The following FSIP2 variants were observed in gnomAD, a reference collection of about 807,000 sequenced individuals.
The protein encoded by FSIP2 is fibrous sheath interacting protein 2.
In FSIP2, 367 loss-of-function variants were observed where a neutral mutation model predicts 510.5. That is an observed-to-expected ratio of 0.72 (90% CI 0.66 to 0.78). The LOEUF (loss-of-function observed/expected upper bound fraction) is 0.78. FSIP2 is among the 30% of genes least tolerant of loss of function. FSIP2 has a pLI of 0.00. For synonymous variants in FSIP2, 2,601 were observed against 2,732.2 expected (o/e 0.95, Z 1.50); for missense variants, 7,594 against 7,901.7 (o/e 0.96, Z 1.48).
In FSIP2 at chr2:185,795,999, A is replaced by G. The variant is rs758915253; in HGVS notation, c.8863A>G (p.Lys2955Glu). The G allele has an allele frequency of 6.5e-7, 1 of 1,534,066 alleles. No homozygotes were observed. The highest frequency in any genetic ancestry group is 8.7e-7 in the Non-Finnish European group (1 of 1,145,842). ...AAACAGTAAAGAACACATTACTGCTAAAAGTAAATATGGTTTTCCAAACAA... is the reference window on the plus strand; with the variant it reads ...AAACAGTAAAGAACACATTACTGCTGAAAGTAAATATGGTTTTCCAAACAA... ...LSNSKEHITA[K>E]SKYGFPNKHS... Residue 2955 changes from lysine (K) to glutamate (E), a missense_variant, in exon 16 of 23, where the codon AAA becomes GAA. Physicochemically the swap from Lys to Glu is moderately conservative, Grantham distance 56 (BLOSUM62 1). Transcript: ENST00000424728.
chr2:185,828,166 G>T lies in FSIP2; in HGVS notation c.20484G>T (p.Gln6828His), dbSNP rs200216619. The T allele has an allele frequency of 4.8e-5, 75 of 1,577,352 alleles. No homozygotes were observed. Among genetic ancestry groups the T allele is most frequent in the Non-Finnish European group, 5.7e-5 (65 of 1,149,796 alleles). Residue 6828 changes from glutamine to histidine, a missense_variant, in exon 21 of 23, where the codon CAG (glutamine) becomes CAT (histidine). Transcript: ENST00000424728. Reference sequence around the variant, plus strand: ...TTTTAATCTCTACAGAAAGTTCTCAGGAACAAAAGCCAGAGCATGGAAACA... The same window carrying T: ...TTTTAATCTCTACAGAAAGTTCTCATGAACAAAAGCCAGAGCATGGAAACA... ...PSAKILEESS[Q>H]EQKPEHGNSV...
intron 19 of FSIP2, among the ~76,000 whole-genome samples, chr2:185,820,190 A>AT (rs1693888567): frequency 6.6e-6 from 1 of 151,948 alleles, no homozygotes; most frequent in Non-Finnish European, 1.5e-5. Flanking sequence ...TGCTTTTCTC[A>AT]TGATAGTGAG....
intron 9 of FSIP2, among the ~76,000 whole-genome samples, chr2:185,758,804 T>G (rs568130214): frequency 6.6e-6 from 1 of 151,312 alleles, no homozygotes; most frequent in Non-Finnish European, 1.5e-5. Context: ...AACATTCTCT[T>G]CCATTCTATT....
intron 19 of FSIP2, among the ~76,000 whole-genome samples, chr2:185,823,921 G>A (rs1246769996): frequency 6.6e-6 from 1 of 151,730 alleles, no homozygotes; most frequent in Non-Finnish European, 1.5e-5. Context: ...AGGATATTAT[G>A]ACACATACTA....
In FSIP2 at chr2:185,801,095, T is replaced by C; in HGVS notation, c.11789T>C (p.Phe3930Ser). ...GTTAGCTCCAAAATACAAGCACCATTTAACAAGCATTGTGCAGTAAAATCC... is the reference window on the plus strand; with the variant it reads ...GTTAGCTCCAAAATACAAGCACCATCTAACAAGCATTGTGCAGTAAAATCC... ...SVVSSKIQAP[F>S]NKHCAVKSSS... The change falls in exon 17 of 23, where the codon TTT (phenylalanine) becomes TCT (serine). Residue 3930 changes from phenylalanine to serine, a missense_variant. Phe to Ser is a radical substitution (Grantham distance 155). Coordinates refer to ENST00000424728, the MANE Select transcript of FSIP2 (RefSeq NM_173651.4). 2 of 1,532,294 alleles carry C rather than the reference T, an allele frequency of 1.3e-6. No homozygotes were observed. The highest frequency in any genetic ancestry group is 1.7e-6 in the Non-Finnish European group (2 of 1,144,894). The allele number at this position is 1,532,294 out of a possible 1,614,324, so 94.9% of individuals were successfully genotyped here.
intron 12 of FSIP2, 144 bp from the exon 13 acceptor site, chr2:185,764,358 C>T (rs1360428544): frequency 1.2e-5 from 6 of 521,222 alleles, no homozygotes; most frequent in Admixed American, 3.6e-5. Context: ...ATAATAAAAA[C>T]GTGCATTTCT....
chr2:185,790,777 C>T lies in FSIP2; in HGVS notation c.3641C>T (p.Ala1214Val). 1 of 1,531,808 alleles carries T rather than the reference C, an allele frequency of 6.5e-7. No homozygotes were observed. The highest frequency in any genetic ancestry group is 8.7e-7 in the Non-Finnish European group (1 of 1,144,260). The allele number at this position is 1,531,808 out of a possible 1,614,324, so 94.9% of individuals were successfully genotyped here. Residue 1214 changes from alanine (A) to valine (V), a missense_variant, in exon 16 of 23, where the codon GCA becomes GTA. Ala to Val is a moderately conservative substitution (Grantham distance 64). Coordinates refer to ENST00000424728, the MANE Select transcript of FSIP2 (RefSeq NM_173651.4). ...GACACTGAACACATAGTCAAAGAAGCACCAAATAAATACCCATTAAAAACA... is the reference window on the plus strand; with the variant it reads ...GACACTGAACACATAGTCAAAGAAGTACCAAATAAATACCCATTAAAAACA... Reference protein sequence around the residue: ...NSDTEHIVKEAPNKYPLKTWF... With the variant: ...NSDTEHIVKEVPNKYPLKTWF...
In FSIP2 at chr2:185,806,092, G is replaced by A. The variant is rs1376784533; in HGVS notation, c.16786G>A (p.Glu5596Lys). Residue 5596 changes from glutamate to lysine, a missense_variant, in exon 17 of 23, where the codon GAG becomes AAG. Glu to Lys is a moderately conservative substitution (Grantham distance 56, BLOSUM62 1). Transcript: ENST00000424728. ...FSLIIDDTEY[E>K]KEVLGSDSEI... Reference sequence around the variant, plus strand: ...ATTAATAATTGATGATACAGAATATGAGAAGGAAGTACTTGGATCAGATTC... The same window carrying A: ...ATTAATAATTGATGATACAGAATATAAGAAGGAAGTACTTGGATCAGATTC... The A allele has an allele frequency of 3.2e-6, 5 of 1,576,350 alleles. No individual in the cohort carries two copies. The highest frequency in any genetic ancestry group is 4.3e-6 in the Non-Finnish European group (5 of 1,165,350).
chr2:185,762,041 A>G, intron 11 of FSIP2, 24 bp downstream of exon 11: 3 of 1,202,044 alleles, frequency 2.5e-6, no homozygotes, highest in African/African-American at 1.5e-5. Flanking sequence ...CAATAGTCAT[A>G]ATTTTTCTGT....
In FSIP2 at chr2:185,770,072, T is replaced by A. The variant is rs557470196; in HGVS notation, c.1411+5507T>A. ...ATTCAGGCTCTTTCTTTTGGTTCCA[T>A]ACAAATTTTAAAATAATGTTTTCTT... On this transcript the variant is annotated intron_variant, in intron 13 of 22. Coordinates refer to ENST00000424728, the MANE Select transcript of FSIP2 (RefSeq NM_173651.4). 2.0e-5 allele frequency among the ~76,000 whole-genome samples: 3 copies of A among 152,304 alleles called. No individual in the cohort carries two copies. In the South Asian group the frequency reaches 6.2e-4, roughly 32 times the overall value.
chr2:185,820,067 T>G (rs1333095265), intron 19 of FSIP2, among the ~76,000 whole-genome samples: 1 of 151,952 alleles, frequency 6.6e-6, no homozygotes, highest in Admixed American at 6.6e-5. Context: ...TGATATGGTT[T>G]GGCTATGTCC....
chr2:185,799,799 G>T lies in FSIP2; in HGVS notation c.10493G>T (p.Cys3498Phe). 6.5e-7 allele frequency: 1 copy of T among 1,530,766 alleles called. No individual in the cohort carries two copies. Among genetic ancestry groups the T allele is most frequent in the Non-Finnish European group, 8.7e-7 (1 of 1,143,592 alleles). The allele number at this position is 1,530,766 out of a possible 1,614,324, so 94.8% of individuals were successfully genotyped here. A position where few individuals can be genotyped will look rare whatever the true frequency, so the allele number is the denominator to read the frequency against. ...NIYDDSSIYQCCEHLTESVLY... is the reference protein window; with the variant it reads ...NIYDDSSIYQFCEHLTESVLY... Reference sequence around the variant, plus strand: ...TACGATGATTCTTCAATTTATCAATGTTGTGAACATCTCACTGAGTCAGTA... The same window carrying T: ...TACGATGATTCTTCAATTTATCAATTTTGTGAACATCTCACTGAGTCAGTA... The change falls in exon 17 of 23, where the codon TGT becomes TTT. Residue 3498 changes from cysteine to phenylalanine, a missense_variant. Transcript: ENST00000424728.
chr2:185,801,156 G>T lies in FSIP2; in HGVS notation c.11850G>T (p.Lys3950Asn). The change falls in exon 17 of 23, where the codon AAG becomes AAT. Residue 3950 changes from lysine (K) to asparagine (N), a missense_variant. By Grantham distance (94) the Lys-to-Asn change is moderately conservative (BLOSUM62 0). Coordinates refer to ENST00000424728, the MANE Select transcript of FSIP2 (RefSeq NM_173651.4). ...CACCTTTTGAAAGACAGAGAACAAA[G>T]GAAATGGATAAGGTAGCCATTCATA... ...SVSPFERQRT[K>N]EMDKVAIHNK... 6.5e-7 allele frequency: 1 copy of T among 1,533,844 alleles called. No homozygotes were observed. The highest frequency in any genetic ancestry group is 8.7e-7 in the Non-Finnish European group (1 of 1,145,474).
intron 13 of FSIP2, among the ~76,000 whole-genome samples, chr2:185,781,417 C>A (rs1469133053): frequency 5.3e-5 from 8 of 152,310 alleles, no homozygotes; most frequent in Middle Eastern, 3.4e-3. Flanking sequence ...GCATTTCCAA[C>A]TTAACATATT....
intron 9 of FSIP2, among the ~76,000 whole-genome samples, chr2:185,756,559 T>G (rs7584637): frequency 0.54 from 82,248 of 151,184 alleles, 22,627 homozygotes; most frequent in South Asian, 0.64. Context: ...ACAGCATGCC[T>G]ACCAACTTGC....
intron 17 of FSIP2, among the ~76,000 whole-genome samples, chr2:185,811,202 C>G (rs1183027994): frequency 1.3e-5 from 2 of 152,002 alleles, no homozygotes; most frequent in African/African-American, 4.8e-5. Flanking sequence ...CATGGTGGCT[C>G]ACACTTGTAA....
At chr2:185,809,627 G>A (rs1693682643) in intron 17 of FSIP2, among the ~76,000 whole-genome samples, 1 of 152,010 alleles carries the variant, frequency 6.6e-6, no homozygotes, top group Admixed American at 6.6e-5. Context: ...ACACTCATCA[G>A]CAAACGTTGG....
At chr2:185,738,463 G>A, upstream of FSIP2, 1 of 726,026 alleles carries the variant, frequency 1.4e-6, no homozygotes, top group Non-Finnish European at 2.2e-6. Context: ...GATGGGGTGT[G>A]GTCTATATGG....
chr2:185,737,167 C>G (rs770713472), upstream of FSIP2, among the ~76,000 whole-genome samples: 3 of 152,182 alleles, frequency 2.0e-5, no homozygotes, highest in Non-Finnish European at 4.4e-5. Flanking sequence ...ACTTCCAATA[C>G]ACTGGTTTCT....
Sources: allele counts gnomAD v4.1 joint callset (sites outside exome capture counted in the v4.1 genomes callset), GRCh38; gene constraint gnomAD v4.1.1; transcripts MANE v1.5; gene names NCBI Gene and HGNC (gene_info 2026-07-23, HGNC 2026-07-21).